The following MAP3K6 variants were observed in gnomAD, a reference collection of about 807,000 sequenced individuals.
MAP3K6 encodes the protein apoptosis signal-regulating kinase 2.
Under a neutral mutation model 147.1 loss-of-function variants are expected in MAP3K6, and 105 were observed. The observed-to-expected ratio is 0.71, with a 90% CI of 0.61 to 0.84. MAP3K6 has a LOEUF of 0.84. MAP3K6 is among the 40% of genes least tolerant of loss of function. MAP3K6 has a pLI of 0.00. For missense variants in MAP3K6, 1,569 were observed against 1,715.0 expected, an observed-to-expected ratio of 0.91 and a Z score of 1.50; for synonymous variants, 695 against 732.4, an observed-to-expected ratio of 0.95 and a Z score of 0.82.
chr1:27,366,019 A>G lies in MAP3K6; in HGVS notation c.340+239T>C, dbSNP rs937262861. Among the ~76,000 whole-genome samples the G allele has an allele frequency of 2.7e-5, 4 of 150,428 alleles. No homozygotes were observed. Among genetic ancestry groups the G allele is most frequent in the African/African-American group, 9.8e-5 (4 of 40,664 alleles). On this transcript the variant is annotated intron_variant, in intron 1 of 28. Transcript: ENST00000357582. This position sits in a 1 kb window ranked among gnomAD's most constrained non-coding sequence, Gnocchi z 5.5. ...CCGACTGAAGGGTGCCTAAGCCCCA[A>G]CCTCGAGCCCTAGAGCCGCGCCCGG...
At position 27,357,678 on chromosome 1, in the gene MAP3K6, G is replaced by T. The variant is rs370600411; in HGVS notation, c.3081+33C>A. ...ATCAACAGGTGTCCTGACCCTTTGC[G>T]ACCACCAGGGGGCGCTAGAGTGGGC... is the stretch of plus-strand genomic sequence containing the variant. On this transcript the variant is annotated intron_variant, in intron 22 of 28. Transcript: ENST00000357582. 1.9e-6 allele frequency: 3 copies of T among 1,603,626 alleles called. No individual in the cohort carries two copies. The African/African-American group carries it at 4.0e-5, about 21-fold the overall frequency.
chr1:27,362,181 C>T lies in MAP3K6; in HGVS notation c.1325G>A (p.Gly442Asp). The T allele has an allele frequency of 1.2e-6, 2 of 1,613,648 alleles. No homozygotes were observed. Among genetic ancestry groups the T allele is most frequent in the Non-Finnish European group, 1.7e-6 (2 of 1,179,988 alleles). Residue 442 changes from glycine (G) to aspartate (D), a missense_variant, in exon 9 of 29, where the codon GGT (glycine) becomes GAT (aspartate). Gly to Asp is a moderately conservative substitution (Grantham distance 94, BLOSUM62 -1). Coordinates refer to ENST00000357582, the MANE Select transcript of MAP3K6 (RefSeq NM_004672.5). ...VEKMQYYWDV[G>D]FYLGAQILAN... is the part of the protein sequence containing the mutation. The stretch of plus-strand genomic sequence containing the variant: ...GAGGATCTGGGCTCCCAGGTAGAAA[C>T]CCACATCCCAGTAATACTGCATCTT...
chr1:27,357,092 C>A lies in MAP3K6; in HGVS notation c.3281G>T (p.Arg1094Leu). The part of the protein sequence containing the change: ...PDAVKQILRK[R>L]QIRPHWMFVL... Reference sequence around the variant, plus strand: ...GAACATCCAGTGTGGACGGATCTGGCGCTTGCGGAGGATCTGCTTCACCTG... The same window carrying A: ...GAACATCCAGTGTGGACGGATCTGGAGCTTGCGGAGGATCTGCTTCACCTG... Residue 1094 changes from arginine to leucine, a missense_variant, in exon 24 of 29, where the codon CGC becomes CTC. Coordinates refer to ENST00000357582, the MANE Select transcript of MAP3K6 (RefSeq NM_004672.5). The A allele has an allele frequency of 6.2e-7, 1 of 1,613,996 alleles. No individual in the cohort carries two copies. Among genetic ancestry groups the A allele is most frequent in the African/African-American group, 1.3e-5 (1 of 75,058 alleles).
Position 27,355,481 on chromosome 1 carries a change from G to A in MAP3K6, c.3789-12C>T. ...ATACCATCCCTCCCCTGGGGGTAATGGACTCAGTGTGGCTCAGCCAGAAGG... is the reference window on the plus strand; with the variant it reads ...ATACCATCCCTCCCCTGGGGGTAATAGACTCAGTGTGGCTCAGCCAGAAGG... On this transcript the variant is annotated splice_polypyrimidine_tract_variant and intron_variant, in intron 28 of 28. Transcript: ENST00000357582. 1 of 1,613,814 alleles carries A rather than the reference G, an allele frequency of 6.2e-7. No homozygotes were observed. Among genetic ancestry groups the A allele is most frequent in the South Asian group, 1.1e-5 (1 of 91,046 alleles).
In MAP3K6 at chr1:27,356,015, C is replaced by T. The variant is rs757596262; in HGVS notation, c.3711+11G>A. ...GTGAGGTCAGGGATAGCCAAGCACTCCCCGACTCACCATTTGGATGGTGCC... is the reference window on the plus strand; with the variant it reads ...GTGAGGTCAGGGATAGCCAAGCACTTCCCGACTCACCATTTGGATGGTGCC... On this transcript the variant is annotated intron_variant, in intron 27 of 28. Coordinates refer to ENST00000357582, the MANE Select transcript of MAP3K6 (RefSeq NM_004672.5). The T allele has an allele frequency of 9.9e-6, 16 of 1,613,800 alleles. No individual in the cohort carries two copies. In the East Asian group the frequency reaches 3.6e-4, roughly 36 times the overall value.
In MAP3K6 at chr1:27,360,210, G is replaced by A. The variant is rs2148052362; in HGVS notation, c.2182+31C>T. 1 of 1,612,182 alleles carries A rather than the reference G, an allele frequency of 6.2e-7. No homozygotes were observed. Among genetic ancestry groups the A allele is most frequent in the South Asian group, 1.1e-5 (1 of 90,924 alleles). ...CCTCGGTCCCATGCTTCACACCTCG[G>A]TTTCATTCCCATCCCACACAGGGCA... On this transcript the variant is annotated intron_variant, in intron 16 of 28. Transcript: ENST00000357582. The surrounding 1 kb of genome is among the most constrained non-coding windows in gnomAD (Gnocchi z 4.5).
chr1:27,358,563 C>T lies in MAP3K6; in HGVS notation c.2632G>A (p.Glu878Lys), dbSNP rs147355576. The T allele has an allele frequency of 9.3e-6, 15 of 1,613,308 alleles. No individual in the cohort carries two copies. Among genetic ancestry groups the T allele is most frequent in the East Asian group, 6.7e-5 (3 of 44,882 alleles). ...HPPMPSSLSA[E>K]AQAFLLRTFE... The stretch of plus-strand genomic sequence containing the variant: ...GTTCGGAGGAGAAAGGCTTGGGCCT[C>T]GGCCGACAGAGAGCTGGGCATTGGC... The change falls in exon 20 of 29, where the codon GAG becomes AAG. Residue 878 changes from glutamate to lysine, a missense_variant. By Grantham distance (56) the Glu-to-Lys change is moderately conservative. Transcript: ENST00000357582. The surrounding 1 kb of genome is among the most constrained non-coding windows in gnomAD (Gnocchi z 6.2).
At position 27,364,003 on chromosome 1, in the gene MAP3K6, C is replaced by T. The variant is rs2015880687; in HGVS notation, c.778G>A (p.Ala260Thr). ...FSGPQLRQELARLQRRLDSVE... is the reference protein window; with the variant it reads ...FSGPQLRQELTRLQRRLDSVE... ...CTGTCCAGTCTCCGCTGCAGGCGAGCCAGCTCCTGCCGCAGCTGTGGCCCA... is the reference window on the plus strand; with the variant it reads ...CTGTCCAGTCTCCGCTGCAGGCGAGTCAGCTCCTGCCGCAGCTGTGGCCCA... The change falls in exon 5 of 29, where the codon GCT (alanine) becomes ACT (threonine). Residue 260 changes from alanine (A) to threonine (T), a missense_variant. By Grantham distance (58) the Ala-to-Thr change is moderately conservative. Coordinates refer to ENST00000357582, the MANE Select transcript of MAP3K6 (RefSeq NM_004672.5). The surrounding 1 kb of genome is among the most constrained non-coding windows in gnomAD (Gnocchi z 4.4). 6.2e-7 allele frequency: 1 copy of T among 1,611,462 alleles called. No individual in the cohort carries two copies.
Position 27,359,188 on chromosome 1 carries a change from A to G in MAP3K6, c.2425+229T>C, listed in dbSNP as rs1200884134. Among the ~76,000 whole-genome samples, 2 of 151,610 alleles carry G rather than the reference A, an allele frequency of 1.3e-5. No individual in the cohort carries two copies. The highest frequency in any genetic ancestry group is 4.9e-5 in the African/African-American group (2 of 41,176). On this transcript the variant is annotated intron_variant, in intron 18 of 28. Transcript: ENST00000357582. The surrounding 1 kb of genome is among the most constrained non-coding windows in gnomAD (Gnocchi z 4.4). ...TCACCTGCTTTTTCCTCCAACTCCC[A>G]CCTTGGCCTGCATCAACACTCCTCA...
chr1:27,365,228 G>C (rs1228292976), intron 1 of MAP3K6, among the ~76,000 whole-genome samples: 3 of 152,176 alleles, frequency 2.0e-5, no homozygotes, highest in African/African-American at 7.2e-5. Context: ...GGTGGGAGTT[G>C]CGCAAACATA....
In MAP3K6 at chr1:27,356,329, C is replaced by T. The variant is rs1310857566; in HGVS notation, c.3637+59G>A. The T allele has an allele frequency of 1.6e-5, 23 of 1,475,236 alleles. No individual in the cohort carries two copies. The Middle Eastern group carries it at 5.3e-4, about 34-fold the overall frequency. The allele number at this position is 1,475,236 out of a possible 1,614,324, so 91.4% of individuals were successfully genotyped here. On this transcript the variant is annotated intron_variant, in intron 26 of 28. Transcript: ENST00000357582. ...AGTCAGGTGATGAGCCCAAGGGTGC[C>T]TTGTGCTAGAAGCTGCCTTGAACCC...
Position 27,361,136 on chromosome 1 carries a change from C to T in MAP3K6, c.1832+21G>A. 3 of 1,590,964 alleles carry T rather than the reference C, an allele frequency of 1.9e-6. No homozygotes were observed. Among genetic ancestry groups the T allele is most frequent in the Middle Eastern group, 3.5e-4 (2 of 5,730 alleles). Reference sequence around the variant, plus strand: ...GGGCATCCTGGCCCTCAGAGTACCCCGACCATGAAAGGCTGCGCACCACTG... The same window carrying T: ...GGGCATCCTGGCCCTCAGAGTACCCTGACCATGAAAGGCTGCGCACCACTG... On this transcript the variant is annotated intron_variant, in intron 13 of 28. Transcript: ENST00000357582.
chr1:27,356,245 G>A lies in MAP3K6; in HGVS notation c.3637+143C>T, dbSNP rs1209469023. The stretch of plus-strand genomic sequence containing the variant: ...AGCCCAAGGGTGCCTTGTGCTAGAA[G>A]CTGCCTCGAACCCACCAATAATGTT... On this transcript the variant is annotated intron_variant, in intron 26 of 28. Coordinates refer to ENST00000357582, the MANE Select transcript of MAP3K6 (RefSeq NM_004672.5). 8.4e-6 allele frequency: 9 copies of A among 1,073,786 alleles called. No homozygotes were observed. The Admixed American group carries it at 1.9e-4, about 23-fold the overall frequency. The allele number at this position is 1,073,786 out of a possible 1,614,324, so 66.5% of individuals were successfully genotyped here.
chr1:27,361,173 C>T lies in MAP3K6; in HGVS notation c.1816G>A (p.Val606Ile), dbSNP rs755569477. ...GCTGCGCACCACTGGCAGTGCCCTA[C>T]GCTGGGGAAGCACAGCTGGACGTCC... ...AQDVQLCFPSVGHCQWFCGLI... is the reference protein window; with the variant it reads ...AQDVQLCFPSIGHCQWFCGLI... Residue 606 changes from valine to isoleucine, a missense_variant, in exon 13 of 29, where the codon GTA (valine) becomes ATA (isoleucine). By Grantham distance (29) the Val-to-Ile change is conservative. Coordinates refer to ENST00000357582, the MANE Select transcript of MAP3K6 (RefSeq NM_004672.5). The T allele has an allele frequency of 2.2e-5, 35 of 1,611,344 alleles. No homozygotes were observed. In the Admixed American group the frequency reaches 3.7e-4, roughly 17 times the overall value.
In MAP3K6 at chr1:27,356,012, A is replaced by G; in HGVS notation, c.3711+14T>C. 6.2e-7 allele frequency: 1 copy of G among 1,612,702 alleles called. No individual in the cohort carries two copies. The highest frequency in any genetic ancestry group is 1.1e-5 in the South Asian group (1 of 91,022). On this transcript the variant is annotated intron_variant, in intron 27 of 28. Coordinates refer to ENST00000357582, the MANE Select transcript of MAP3K6 (RefSeq NM_004672.5). ...CTGGTGAGGTCAGGGATAGCCAAGC[A>G]CTCCCCGACTCACCATTTGGATGGT... is the stretch of plus-strand genomic sequence containing the variant.
rs763343172 is a variant in MAP3K6 at position 27,356,464 on chromosome 1, G to T, written c.3561C>A (p.Tyr1187Ter). 16 of 1,613,958 alleles carry T rather than the reference G, an allele frequency of 9.9e-6. No individual in the cohort carries two copies. The highest frequency in any genetic ancestry group is 1.4e-5 in the Non-Finnish European group (16 of 1,180,002). ...GTAGAGCCCGCTGCACCAGGGCCTG[G>T]TACTCCCGTTCCTTCCCCGCCAGGA... ...REILAGKEREYQALVQRALQR... is the reference protein window; with the variant it reads ...REILAGKERE Residue 1187 changes from tyrosine to a stop codon, truncating the protein, a stop_gained, in exon 26 of 29, where the codon TAC becomes TAA. Transcript: ENST00000357582. LOFTEE classifies it high-confidence loss of function.
intron 1 of MAP3K6, among the ~76,000 whole-genome samples, chr1:27,365,174 AGG>A (rs928143834): frequency 2.6e-4 from 40 of 152,290 alleles, no homozygotes; most frequent in African/African-American, 9.4e-4. Context: ...GCATGGGGGA[AGG>A]GAGGCTGTGG....
At position 27,359,895 on chromosome 1, in the gene MAP3K6, T is replaced by C; in HGVS notation, c.2282A>G (p.Tyr761Cys). 6.2e-7 allele frequency: 1 copy of C among 1,614,166 alleles called. No individual in the cohort carries two copies. Among genetic ancestry groups the C allele is most frequent in the Non-Finnish European group, 8.5e-7 (1 of 1,180,020 alleles). Residue 761 changes from tyrosine (Y) to cysteine (C), a missense_variant, in exon 17 of 29, where the codon TAC becomes TGC. Tyr to Cys is a radical substitution (Grantham distance 194, BLOSUM62 -2). Transcript: ENST00000357582. The surrounding 1 kb of genome is among the most constrained non-coding windows in gnomAD (Gnocchi z 4.4). ...GTGCACGATGTGGTTGTCGTGCAAG[T>C]AGCCAAGTCCCTGCAGGATCTGGCG... is the stretch of plus-strand genomic sequence containing the variant. The part of the protein sequence containing the change: ...YTRQILQGLG[Y>C]LHDNHIVHRD...
rs1264367187 is a variant in MAP3K6 at position 27,362,873 on chromosome 1, G to A, written c.1120C>T (p.His374Tyr). The A allele has an allele frequency of 6.2e-7, 1 of 1,614,058 alleles. No homozygotes were observed. Among genetic ancestry groups the A allele is most frequent in the Non-Finnish European group, 8.5e-7 (1 of 1,180,004 alleles). The change falls in exon 7 of 29, where the codon CAC becomes TAC. Residue 374 changes from histidine to tyrosine, a missense_variant. Transcript: ENST00000357582. ...TACCAGTGATAGGCCTGCTCCCGGT[G>A]CCCAGCATCCTGGAAACCCGAGCTG... ...FFSSGFQDAGHREQAYHWYRK... is the reference protein window; with the variant it reads ...FFSSGFQDAGYREQAYHWYRK...
Sources: gnomAD v4.1 joint callset for allele counts (sites outside exome capture counted in the v4.1 genomes callset) on GRCh38, gnomAD v4.1.1 for gene constraint, Gnocchi (gnomAD v3.1) non-coding constraint, MANE v1.5 for transcripts, NCBI Gene and HGNC (gene_info 2026-07-23, HGNC 2026-07-21) for gene names.